SRGAP2C: variants seen among roughly 807,000 people sequenced by gnomAD.
SRGAP2C encodes SLIT-ROBO Rho GTPase activating protein 2C.
In SRGAP2C, 15 loss-of-function variants were observed where a neutral mutation model predicts 25.1. The ratio of observed to expected loss-of-function variants is 0.60; its 90% confidence interval spans 0.40 to 0.92. SRGAP2C has a LOEUF of 0.92. Among genes scored for constraint, SRGAP2C ranks in the 40% least tolerant of loss-of-function variants. The pLI is 0.00. For synonymous variants in SRGAP2C, 44 were observed against 96.6 expected, an observed-to-expected ratio of 0.46 and a Z score of 3.19; for missense variants, 144 against 264.4, an observed-to-expected ratio of 0.54 and a Z score of 3.16.
intron 2 of SRGAP2C, among the ~76,000 whole-genome samples, chr1:121,213,446 G>GC (rs782299112): frequency 2.2e-4 from 27 of 121,434 alleles, no homozygotes; most frequent in Non-Finnish European, 4.4e-4. Flanking sequence ...CTGCCCAACT[G>GC]CCCAGGCTTT....
In SRGAP2C at chr1:121,392,052, A is replaced by T. The variant is rs1258180665; in HGVS notation, c.*4197A>T. The T allele has an allele frequency of 1.3e-5, 2 of 152,196 alleles. No homozygotes were observed. Among genetic ancestry groups the T allele is most frequent in the African/African-American group, 2.4e-5 (1 of 41,458 alleles). The allele number at this position is 152,196 out of a possible 1,614,324, so 9.4% of individuals were successfully genotyped here. A position where few individuals can be genotyped will look rare whatever the true frequency, so the allele number is the denominator to read the frequency against. On this transcript the variant is annotated 3_prime_UTR_variant, in exon 10 of 10. Coordinates refer to ENST00000367123, the MANE Select transcript of SRGAP2C (RefSeq NM_001329984.2). ...TGGAAAACTACAATGATAAAAATTTAAAAATCACCAGAGGGATTTAAGAGT... is the reference window on the plus strand; with the variant it reads ...TGGAAAACTACAATGATAAAAATTTTAAAATCACCAGAGGGATTTAAGAGT...
intron 2 of SRGAP2C, among the ~76,000 whole-genome samples, chr1:121,208,068 C>T (rs1655160386): frequency 6.6e-6 from 1 of 152,056 alleles, no homozygotes; most frequent in African/African-American, 2.4e-5. Context: ...CATATAATTC[C>T]TACATCTAGG....
intron 2 of SRGAP2C, among the ~76,000 whole-genome samples, chr1:121,217,792 A>G (rs143070512): frequency 0.021 from 3,149 of 152,344 alleles, 57 homozygotes; most frequent in Non-Finnish European, 0.032. Flanking sequence ...CCAGCATTCT[A>G]GGCAAATAAA....
intron 5 of SRGAP2C, among the ~76,000 whole-genome samples, chr1:121,370,315 C>T (rs1313309362): frequency 7.2e-6 from 1 of 138,838 alleles, no homozygotes; most frequent in Non-Finnish European, 1.6e-5. Flanking sequence ...TTCAGTATAC[C>T]CCTATCCTCA....
intron 3 of SRGAP2C, among the ~76,000 whole-genome samples, chr1:121,293,573 A>G (rs1458466553): frequency 1.3e-5 from 2 of 152,108 alleles, no homozygotes; most frequent in Non-Finnish European, 2.9e-5. Flanking sequence ...ACAAGAATTA[A>G]TGGAATTCAA....
chr1:121,188,099 C>A (rs1654568248), intron 2 of SRGAP2C, among the ~76,000 whole-genome samples: 1 of 152,188 alleles, frequency 6.6e-6, no homozygotes, highest in African/African-American at 2.4e-5. Flanking sequence ...AATCAGAGAT[C>A]AGAGAATAAG....
At chr1:121,199,065 T>C (rs1654915416) in intron 2 of SRGAP2C, among the ~76,000 whole-genome samples, 1 of 152,122 alleles carries the variant, frequency 6.6e-6, no homozygotes, top group Non-Finnish European at 1.5e-5. Context: ...GTGCTTCTTA[T>C]GTCTCAGCTC....
intron 3 of SRGAP2C, among the ~76,000 whole-genome samples, chr1:121,308,131 C>T (rs1380033273): frequency 7.4e-6 from 1 of 135,898 alleles, no homozygotes; most frequent in Non-Finnish European, 1.6e-5. Flanking sequence ...CAGCACCAGC[C>T]CTTTGAGATG....
intron 2 of SRGAP2C, among the ~76,000 whole-genome samples, chr1:121,224,044 A>G (rs1279187473): frequency 1.3e-5 from 2 of 152,218 alleles, no homozygotes; most frequent in South Asian, 2.1e-4. Flanking sequence ...TTCATTTAGC[A>G]TTGACTATGT....
chr1:121,304,196 C>A, intron 3 of SRGAP2C, among the ~76,000 whole-genome samples: 1 of 121,170 alleles, frequency 8.3e-6, no homozygotes, highest in Non-Finnish European at 1.7e-5. Context: ...GGGTGACAGA[C>A]CGAGACTCCA....
At chr1:121,380,805 G>C (rs1659795224) in intron 7 of SRGAP2C, among the ~76,000 whole-genome samples, 1 of 151,802 alleles carries the variant, frequency 6.6e-6, no homozygotes, top group East Asian at 2.0e-4. Context: ...CACAGTTTAG[G>C]ACAGTGATGC....
intron 2 of SRGAP2C, among the ~76,000 whole-genome samples, chr1:121,279,059 T>C (rs1310831083): frequency 1.3e-5 from 2 of 151,952 alleles, no homozygotes; most frequent in Non-Finnish European, 2.9e-5. Context: ...GGAAAAAGAC[T>C]GGCAGTCAGA....
chr1:121,321,935 G>C (rs1658214628), intron 3 of SRGAP2C, among the ~76,000 whole-genome samples: 1 of 151,722 alleles, frequency 6.6e-6, no homozygotes, highest in Non-Finnish European at 1.5e-5. Context: ...CCTTTTGTTT[G>C]TACCACCATT....
In SRGAP2C at chr1:121,198,192, G is replaced by A. The variant is rs1431216294; in HGVS notation, c.67+10679G>A. 5.9e-5 allele frequency among the ~76,000 whole-genome samples: 7 copies of A among 117,800 alleles called. No individual in the cohort carries two copies. In the East Asian group the frequency reaches 1.0e-3, roughly 17 times the overall value. The allele number at this position is 117,800 out of a possible 152,430, so 77.3% of individuals were successfully genotyped here. A position where few individuals can be genotyped will look rare whatever the true frequency, so the allele number is the denominator to read the frequency against. On this transcript the variant is annotated intron_variant, in intron 2 of 9. Transcript: ENST00000367123. Reference sequence around the variant, plus strand: ...GGTTCTGAACTTGAAATATGTATTCGTGAGGAAGGAAAAACAGTTGGGACA... The same window carrying A: ...GGTTCTGAACTTGAAATATGTATTCATGAGGAAGGAAAAACAGTTGGGACA...
At chr1:121,212,929 G>T (rs1294567104) in intron 2 of SRGAP2C, among the ~76,000 whole-genome samples, 4 of 142,834 alleles carry the variant, frequency 2.8e-5, no homozygotes, top group African/African-American at 5.2e-5. Flanking sequence ...GCACTCTGGG[G>T]GAAGTAAGCA....
At chr1:121,244,062 G>C (rs1570733089) in intron 2 of SRGAP2C, among the ~76,000 whole-genome samples, 1 of 137,928 alleles carries the variant, frequency 7.3e-6, no homozygotes, top group East Asian at 2.0e-4. Flanking sequence ...AGAGAGTTGT[G>C]ACTGGAGGTT....
chr1:121,324,020 C>T lies in SRGAP2C; in HGVS notation c.261-458C>T, dbSNP rs1553341424. 1.5e-3 allele frequency among the ~76,000 whole-genome samples: 224 copies of T among 152,296 alleles called. 2 individuals carry two copies. The highest frequency in any genetic ancestry group is 1.6e-3 in the Non-Finnish European group (107 of 68,028). On this transcript the variant is annotated intron_variant, in intron 3 of 9. Coordinates refer to ENST00000367123, the MANE Select transcript of SRGAP2C (RefSeq NM_001329984.2). ...TTAGACCTGGTCTAGCCAGACAATG[C>T]AGAACTGTTGTTCTAGTCCCTGGTG...
intron 2 of SRGAP2C, among the ~76,000 whole-genome samples, chr1:121,217,736 T>C (rs1553324973): frequency 6.6e-6 from 1 of 152,204 alleles, no homozygotes; most frequent in African/African-American, 2.4e-5. Flanking sequence ...GCTAATGATG[T>C]TGGTTCTGTT....
chr1:121,270,147 T>G, intron 2 of SRGAP2C, among the ~76,000 whole-genome samples: 1 of 144,112 alleles, frequency 6.9e-6, no homozygotes, highest in South Asian at 2.3e-4. Flanking sequence ...GGGTGCTACA[T>G]AGGCTGAGAT....
Sources: gnomAD v4.1 joint callset for allele counts (sites outside exome capture counted in the v4.1 genomes callset) on GRCh38, gnomAD v4.1.1 for gene constraint, MANE v1.5 for transcripts, NCBI Gene and HGNC (gene_info 2026-07-23, HGNC 2026-07-21) for gene names.